ZNF711: variants seen among roughly 807,000 people sequenced by gnomAD.
ZNF711 encodes ZFX family zinc finger ZNF711.
In ZNF711, 3 loss-of-function variants were observed where a neutral mutation model predicts 43.5. The observed-to-expected ratio is 0.07, with a 90% confidence interval of 0.03 to 0.18. The LOEUF is 0.18. Ranked by LOEUF, ZNF711 falls within the 10% of genes least tolerant of loss-of-function variation. The pLI, the probability that ZNF711 is intolerant of heterozygous loss-of-function variation, is 1.00. For missense variants in ZNF711, 412 were observed against 604.0 expected (o/e 0.68, Z 3.33); for synonymous variants, 209 against 207.7 (o/e 1.01, Z -0.06).
rs1465310855 is a variant in ZNF711, at chrX:85,270,959, C to G, written c.1555C>G (p.Pro519Ala). Residue 519 changes from proline (P) to alanine (A), a missense_variant, in exon 11 of 11, where the codon CCG becomes GCG. Transcript: ENST00000674551. Reference protein sequence around the residue: ...SNKLILRDKEPKMHKCKYCDY... With the variant: ...SNKLILRDKEAKMHKCKYCDY... The stretch of plus-strand genomic sequence containing the variant: ...TAAACTTATTTTAAGAGACAAGGAG[C>G]CGAAGATGCACAAGTGCAAATACTG... 8.3e-7 allele frequency: 1 copy of G among 1,210,425 alleles called. No homozygotes were observed. Among genetic ancestry groups the G allele is most frequent in the Admixed American group, 2.2e-5 (1 of 45,804 alleles).
chrX:85,271,513 C>G lies in ZNF711; in HGVS notation c.2109C>G (p.Ser703=). 8.3e-7 allele frequency: 1 copy of G among 1,211,003 alleles called. No individual in the cohort carries two copies. The highest frequency in any genetic ancestry group is 1.8e-5 in the South Asian group (1 of 56,963). ...HQCRHCDFKT[S]DPFILSGHIL... is the part of the protein sequence containing the mutation. ...GCAGGCACTGTGACTTTAAAACATCCGATCCATTTATTCTTAGTGGCCATA... is the reference window on the plus strand; with the variant it reads ...GCAGGCACTGTGACTTTAAAACATCGGATCCATTTATTCTTAGTGGCCATA... Residue 703 remains serine, a synonymous_variant, in exon 11 of 11, where the codon TCC becomes TCG. Coordinates refer to ENST00000674551, the MANE Select transcript of ZNF711 (RefSeq NM_001330574.2).
chrX:85,255,567 G>C lies in ZNF711; in HGVS notation c.388G>C (p.Val130Leu). 8.3e-7 allele frequency: 1 copy of C among 1,211,792 alleles called. No individual in the cohort carries two copies. Among genetic ancestry groups the C allele is most frequent in the Non-Finnish European group, 1.1e-6 (1 of 895,551 alleles). ...CGTTAGGGTACCAGAGCAGGTTTTC[G>C]TGGCTGACCTTGTTACTGGTCCTAA... Reference protein sequence around the residue: ...ETVRVPEQVFVADLVTGPNGH... With the variant: ...ETVRVPEQVFLADLVTGPNGH... The change falls in exon 5 of 11, where the codon GTG becomes CTG. Residue 130 changes from valine to leucine, a missense_variant. Physicochemically the swap from Val to Leu is conservative, Grantham distance 32. Around this residue, in one of 4 missense-constraint regions of ZNF711, gnomAD observed 375 missense variants for 514.2 expected, o/e 0.73. Coordinates refer to ENST00000674551, the MANE Select transcript of ZNF711 (RefSeq NM_001330574.2).
chrX:85,250,811 G>A (rs12559082), intron 4 of ZNF711, among the ~76,000 whole-genome samples: 11 of 110,239 alleles, frequency 1.0e-4, no homozygotes, highest in Non-Finnish European at 1.7e-4. Flanking sequence ...TTCTGAACTC[G>A]TAAAAGGCAG....
intron 9 of ZNF711, among the ~76,000 whole-genome samples, chrX:85,269,400 C>T (rs1931377917): frequency 1.0e-5 from 1 of 98,342 alleles, no homozygotes; most frequent in Admixed American, 1.1e-4. Flanking sequence ...TTTCAAGAGA[C>T]AGGGTCTTCT....
chrX:85,245,034 A>G (rs1928902715), intron 1 of ZNF711: 1 of 112,063 alleles, frequency 8.9e-6, no homozygotes, highest in Non-Finnish European at 1.9e-5. Flanking sequence ...AAATGATTGA[A>G]ACTTGGCATG....
rs1247501799 is a variant in ZNF711 at position 85,271,346 on chromosome X, T to G, written c.1942T>G (p.Ser648Ala). ...CPHCDHKSTNSSDLKRHIISV... is the reference protein window; with the variant it reads ...CPHCDHKSTNASDLKRHIISV... ...TCATTGTGACCATAAGAGCACCAAT[T>G]CAAGTGACCTTAAGCGGCACATCAT... is the stretch of plus-strand genomic sequence containing the variant. The change falls in exon 11 of 11, where the codon TCA (serine) becomes GCA (alanine). Residue 648 changes from serine (S) to alanine (A), a missense_variant. Around this residue, in one of 4 missense-constraint regions of ZNF711, gnomAD observed 375 missense variants for 514.2 expected, o/e 0.73. Coordinates refer to ENST00000674551, the MANE Select transcript of ZNF711 (RefSeq NM_001330574.2). 4.1e-6 allele frequency: 5 copies of G among 1,210,281 alleles called. No homozygotes were observed. The highest frequency in any genetic ancestry group is 5.6e-6 in the Non-Finnish European group (5 of 894,792).
intron 10 of ZNF711, 93 bp downstream of exon 10, chrX:85,270,239 T>A (rs774291264): frequency 1.0e-6 from 1 of 974,783 alleles, no homozygotes; most frequent in African/African-American, 1.9e-5. Flanking sequence ...ACTTGGCAGT[T>A]CTACTCTCCA....
rs140010106 is a variant in ZNF711, at chrX:85,245,157, C to G, written c.-405-746C>G. On this transcript the variant is annotated intron_variant, in intron 1 of 10. Transcript: ENST00000674551. Reference sequence around the variant, plus strand: ...TCTGCAAATACTACTTTCGCATTCTCTTGTTCTGCCGCCTTACCATTTCTC... The same window carrying G: ...TCTGCAAATACTACTTTCGCATTCTGTTGTTCTGCCGCCTTACCATTTCTC... Among the ~76,000 whole-genome samples, 734 of 112,068 alleles carry G rather than the reference C, an allele frequency of 6.5e-3. 5 individuals are homozygous for G. The highest frequency in any genetic ancestry group is 0.023 in the African/African-American group (698 of 30,797).
chrX:85,246,847 T>G (rs1023900468), intron 2 of ZNF711, 83 bp from the exon 3 acceptor site: 1 of 293,694 alleles, frequency 3.4e-6, no homozygotes. Context: ...AAGTCAGTTG[T>G]ACAATTACAA....
intron 7 of ZNF711, 151 bp downstream of exon 7, chrX:85,265,406 G>T: frequency 1.8e-6 from 1 of 558,253 alleles, no homozygotes; most frequent in Non-Finnish European, 2.9e-6. Flanking sequence ...TAAAAGTGAA[G>T]GGTCCTTTTG....
At chrX:85,249,215 G>A (rs1929331176) in intron 4 of ZNF711, among the ~76,000 whole-genome samples, 1 of 112,013 alleles carries the variant, frequency 8.9e-6, no homozygotes, top group Admixed American at 9.5e-5. Context: ...GGGCCAAAGA[G>A]TAAGAGATTA....
intron 5 of ZNF711, among the ~76,000 whole-genome samples, chrX:85,256,272 C>T (rs1310530613): frequency 4.5e-5 from 5 of 111,495 alleles, no homozygotes; most frequent in Admixed American, 9.6e-5. Flanking sequence ...TAATGTCCTA[C>T]AGTTCTCCCT....
At chrX:85,269,287 T>C (rs1396858884) in intron 9 of ZNF711, among the ~76,000 whole-genome samples, 1 of 111,398 alleles carries the variant, frequency 9.0e-6, no homozygotes. Flanking sequence ...TCAGCCTTCA[T>C]TGGTAAAAAA....
chrX:85,271,295 C>A lies in ZNF711; in HGVS notation c.1891C>A (p.Gln631Lys). The A allele has an allele frequency of 8.3e-7, 1 of 1,210,409 alleles. No homozygotes were observed. Residue 631 changes from glutamine to lysine, a missense_variant, in exon 11 of 11, where the codon CAA becomes AAA. Gln to Lys is a moderately conservative substitution (Grantham distance 53). Transcript: ENST00000674551. ...GCTTCAACGCCATCTGGATTTGTTT[C>A]AAGGACATAAGACACACCAGTGTCC... ...RELQRHLDLF[Q>K]GHKTHQCPHC...
At chrX:85,259,573 T>G (rs1338416258) in intron 5 of ZNF711, among the ~76,000 whole-genome samples, 1 of 111,186 alleles carries the variant, frequency 9.0e-6, no homozygotes, top group Non-Finnish European at 1.9e-5. Context: ...TGATTTCATT[T>G]ATTAGTGTTT....
At chrX:85,270,284 T>G (rs1448611811) in intron 10 of ZNF711, 138 bp downstream of exon 10, 11 of 629,629 alleles carry the variant, frequency 1.7e-5, no homozygotes, top group Non-Finnish European at 2.6e-5. Context: ...ATAATTGTTT[T>G]TTTTTTTTTT....
At chrX:85,259,842 T>G (rs932840934) in intron 5 of ZNF711, among the ~76,000 whole-genome samples, 2 of 111,344 alleles carry the variant, frequency 1.8e-5, no homozygotes, top group South Asian at 7.5e-4. Context: ...CAAAGAGAGA[T>G]AGTTTGACTT....
In ZNF711 at chrX:85,255,671, A is replaced by G. The variant is rs769005028; in HGVS notation, c.492A>G (p.Val164=). The change falls in exon 5 of 11, where the codon GTA becomes GTG. Residue 164 remains valine (V), a synonymous_variant. Coordinates refer to ENST00000674551, the MANE Select transcript of ZNF711 (RefSeq NM_001330574.2). Reference sequence around the variant, plus strand: ...CAATGGTATCAGAGGAGGTTCTTGTAACTAATTCAGATACAGAAACTGTGA... The same window carrying G: ...CAATGGTATCAGAGGAGGTTCTTGTGACTAATTCAGATACAGAAACTGTGA... ...SPTMVSEEVL[V]TNSDTETVIQ... 10 of 1,211,450 alleles carry G rather than the reference A, an allele frequency of 8.3e-6. No homozygotes were observed. In the South Asian group the frequency reaches 1.2e-4, roughly 15 times the overall value.
At position 85,255,665 on chromosome X, in the gene ZNF711, T is replaced by G; in HGVS notation, c.486T>G (p.Val162=). The G allele has an allele frequency of 8.3e-7, 1 of 1,211,498 alleles. No homozygotes were observed. Among genetic ancestry groups the G allele is most frequent in the Non-Finnish European group, 1.1e-6 (1 of 895,459 alleles). Residue 162 remains valine, a synonymous_variant, in exon 5 of 11, where the codon GTT becomes GTG. Coordinates refer to ENST00000674551, the MANE Select transcript of ZNF711 (RefSeq NM_001330574.2). ...CTCCCACAATGGTATCAGAGGAGGT[T>G]CTTGTAACTAATTCAGATACAGAAA... ...VDSPTMVSEE[V]LVTNSDTETV...
Sources: gnomAD v4.1 joint callset for allele counts (sites outside exome capture counted in the v4.1 genomes callset) on GRCh38, gnomAD v4.1.1 for gene constraint, gnomAD v4.1.1 regional missense constraint, MANE v1.5 for transcripts, NCBI Gene and HGNC (gene_info 2026-07-23, HGNC 2026-07-21) for gene names.